ABCG1: variants seen among roughly 807,000 people sequenced by gnomAD.
ABCG1 encodes ATP-binding cassette sub-family G member 1.
Under a neutral mutation model 69.2 loss-of-function variants are expected in ABCG1, and 29 were observed. The observed-to-expected ratio is 0.42, with a 90% CI of 0.31 to 0.57. ABCG1 has a LOEUF of 0.57. Ranked by LOEUF, ABCG1 falls within the 20% of genes least tolerant of loss-of-function variation. The pLI, the probability that ABCG1 is intolerant of heterozygous loss-of-function variation, is 0.15. For synonymous variants in ABCG1, 370 were observed against 374.8 expected (o/e 0.99, Z 0.15); for missense variants, 718 against 898.1 (o/e 0.80, Z 2.56).
At chr21:42,247,953 C>T (rs531641817) in intron 2 of ABCG1, among the ~76,000 whole-genome samples, 70 of 152,238 alleles carry the variant, frequency 4.6e-4, no homozygotes, top group Admixed American at 3.2e-3. Flanking sequence ...AGTGTGGCAT[C>T]GCGGACATCT....
In ABCG1 at chr21:42,284,620, G is replaced by A; in HGVS notation, c.795G>A (p.Gly265=). The change falls in exon 7 of 15, where the codon GGG becomes GGA. Residue 265 remains glycine (G), a synonymous_variant. Coordinates refer to ENST00000398449, the MANE Select transcript of ABCG1 (RefSeq NM_016818.3). ...VVSLMKGLAQ[G]GRSIICTIHQ... is the part of the protein sequence containing the mutation. ...CGCTGATGAAAGGGCTCGCTCAAGG[G>A]GGTCGCTCCATCATTTGCACCATCC... is the stretch of plus-strand genomic sequence containing the variant. The A allele has an allele frequency of 1.2e-6, 2 of 1,614,020 alleles. No individual in the cohort carries two copies. The highest frequency in any genetic ancestry group is 3.3e-5 in the Admixed American group (2 of 60,034).
intron 2 of ABCG1, among the ~76,000 whole-genome samples, chr21:42,230,716 TG>T (rs1219456308): frequency 6.6e-6 from 1 of 152,256 alleles, no homozygotes; most frequent in Non-Finnish European, 1.5e-5. Context: ...ACAAATGGAA[TG>T]CTTGGGTACT....
At chr21:42,235,007 C>T (rs981113432) in intron 2 of ABCG1, among the ~76,000 whole-genome samples, 1 of 152,120 alleles carries the variant, frequency 6.6e-6, no homozygotes, top group African/African-American at 2.4e-5. Context: ...GCTGCAGCCC[C>T]GAGCGGGGTC....
chr21:42,276,932 G>C lies in ABCG1; in HGVS notation c.575G>C (p.Gly192Ala). The change falls in exon 5 of 15, where the codon GGC becomes GCC. Residue 192 changes from glycine (G) to alanine (A), a missense_variant. Physicochemically the swap from Gly to Ala is moderately conservative, Grantham distance 60. Around this residue, in one of 2 missense-constraint regions of ABCG1, gnomAD observed 514 missense variants for 574.3 expected, o/e 0.90. Coordinates refer to ENST00000398449, the MANE Select transcript of ABCG1 (RefSeq NM_016818.3). The surrounding 1 kb of genome is among the most constrained non-coding windows in gnomAD (Gnocchi z 5.3). ...CTGAAGCTTCAGGAGAAGGATGAAG[G>C]CAGAAGGGAAATGGTAAGTGGGTTG... Reference protein sequence around the residue: ...AHLKLQEKDEGRREMVKEILT... With the variant: ...AHLKLQEKDEARREMVKEILT... 1 of 1,614,216 alleles carries C rather than the reference G, an allele frequency of 6.2e-7. No individual in the cohort carries two copies. Among genetic ancestry groups the C allele is most frequent in the Non-Finnish European group, 8.5e-7 (1 of 1,180,028 alleles).
chr21:42,264,189 A>G (rs9975218), intron 2 of ABCG1, among the ~76,000 whole-genome samples: 2,285 of 152,160 alleles, frequency 0.015, 30 homozygotes, highest in Middle Eastern at 0.034. Flanking sequence ...TTCCAGCGTT[A>G]TCTCCTTATA....
At position 42,219,877 on chromosome 21, in the gene ABCG1, G is replaced by T; in HGVS notation, c.42+573G>T. The T allele has an allele frequency of 6.5e-7, 1 of 1,539,938 alleles. No individual in the cohort carries two copies. Among genetic ancestry groups the T allele is most frequent in the South Asian group, 1.2e-5 (1 of 83,534 alleles). On this transcript the variant is annotated intron_variant, in intron 1 of 14. Coordinates refer to ENST00000398449, the MANE Select transcript of ABCG1 (RefSeq NM_016818.3). This position sits in a 1 kb window ranked among gnomAD's most constrained non-coding sequence, Gnocchi z 5.3. ...TCCCGGACCCACTCGGGGAGGCGGC[G>T]GCGAAGGCCCGGGGAGACCCGCGAG...
upstream of ABCG1, among the ~76,000 whole-genome samples, chr21:42,218,758 CT>C (rs1601341116): frequency 6.6e-6 from 1 of 152,140 alleles, no homozygotes; most frequent in Non-Finnish European, 1.5e-5. Context: ...AAGAAGCCCC[CT>C]GGCCCTCACT....
At chr21:42,261,388 G>A (rs953148340) in intron 2 of ABCG1, among the ~76,000 whole-genome samples, 1 of 152,182 alleles carries the variant, frequency 6.6e-6, no homozygotes, top group Non-Finnish European at 1.5e-5. Flanking sequence ...GCGGCCGGTG[G>A]GAACAGTACT....
intron 7 of ABCG1, among the ~76,000 whole-genome samples, 158 bp from the exon 8 acceptor site, chr21:42,285,722 C>G (rs1458692270): frequency 6.6e-6 from 1 of 152,040 alleles, no homozygotes; most frequent in African/African-American, 2.4e-5. Context: ...GTTAATAGGG[C>G]CCTTGGGGGT....
At chr21:42,283,389 C>A (rs1053405815) in intron 6 of ABCG1, among the ~76,000 whole-genome samples, 1 of 152,174 alleles carries the variant, frequency 6.6e-6, no homozygotes, top group Non-Finnish European at 1.5e-5. Flanking sequence ...CACTGTCCCC[C>A]GGGCCTGTCA....
chr21:42,276,727 C>A lies in ABCG1; in HGVS notation c.538-168C>A. On this transcript the variant is annotated intron_variant, in intron 4 of 14. Coordinates refer to ENST00000398449, the MANE Select transcript of ABCG1 (RefSeq NM_016818.3). This position sits in a 1 kb window ranked among gnomAD's most constrained non-coding sequence, Gnocchi z 5.3. The stretch of plus-strand genomic sequence containing the variant: ...GGCACCGTGGCTAGCTGCACCGTGG[C>A]TAGCGGCATTGTGGCTAGCTGCACT... The A allele has an allele frequency of 1.5e-6, 1 of 669,558 alleles. No homozygotes were observed. The highest frequency in any genetic ancestry group is 2.6e-6 in the Non-Finnish European group (1 of 381,790). The allele number at this position is 669,558 out of a possible 1,614,324, so 41.5% of individuals were successfully genotyped here. A position where few individuals can be genotyped will look rare whatever the true frequency, so the allele number is the denominator to read the frequency against.
intron 5 of ABCG1, among the ~76,000 whole-genome samples, chr21:42,280,076 C>G (rs1569234122): frequency 6.6e-6 from 1 of 152,240 alleles, no homozygotes; most frequent in African/African-American, 2.4e-5. Context: ...TGCAGAGAGC[C>G]CTCCCCACAG....
Position 42,273,520 on chromosome 21 carries a change from A to C in ABCG1, c.537+85A>C. On this transcript the variant is annotated intron_variant, in intron 4 of 14. Transcript: ENST00000398449. This position sits in a 1 kb window ranked among gnomAD's most constrained non-coding sequence, Gnocchi z 5.3. ...TAGACACAGCACTGGCCGAGTGCCC[A>C]GCTGCGAGGGACCCAAGGGCTCTGC... The C allele has an allele frequency of 6.7e-7, 1 of 1,481,596 alleles. No homozygotes were observed. The highest frequency in any genetic ancestry group is 9.1e-7 in the Non-Finnish European group (1 of 1,101,410). The allele number at this position is 1,481,596 out of a possible 1,614,324, so 91.8% of individuals were successfully genotyped here.
intron 2 of ABCG1, among the ~76,000 whole-genome samples, chr21:42,209,883 T>C (rs2067572818): frequency 6.6e-6 from 1 of 151,848 alleles, no homozygotes; most frequent in South Asian, 2.1e-4. Flanking sequence ...GAAGAACGAG[T>C]TTGTTTAAAG....
chr21:42,255,941 A>G (rs1317108834), intron 2 of ABCG1: 2 of 239,306 alleles, frequency 8.4e-6, no homozygotes, highest in Non-Finnish European at 1.6e-5. Flanking sequence ...TTATTGGACA[A>G]ATGTCCACTT....
chr21:42,270,768 G>C (rs142942902), intron 2 of ABCG1, among the ~76,000 whole-genome samples: 259 of 152,292 alleles, frequency 1.7e-3, no homozygotes, highest in African/African-American at 6.1e-3. Flanking sequence ...TCCTCACTCT[G>C]AGACGGGAAT....
At chr21:42,204,408 C>A (rs557344877) in intron 2 of ABCG1, among the ~76,000 whole-genome samples, 4 of 152,292 alleles carry the variant, frequency 2.6e-5, no homozygotes, top group South Asian at 4.1e-4. Context: ...TCAAGTGGAA[C>A]TTCTCTATTC....
At chr21:42,201,618 C>T in exon 2 of ABCG1, 1 of 1,569,462 alleles carries the variant, frequency 6.4e-7, no homozygotes. Context: ...ACCTAAGATT[C>T]AGCCCCGTGC....
chr21:42,249,705 G>A (rs1328371069), intron 2 of ABCG1, among the ~76,000 whole-genome samples: 3 of 152,120 alleles, frequency 2.0e-5, no homozygotes, highest in East Asian at 1.9e-4. Context: ...GTATGGAGCT[G>A]TAAAGAAGTG....
Sources: gnomAD v4.1 joint callset for allele counts (sites outside exome capture counted in the v4.1 genomes callset) on GRCh38, gnomAD v4.1.1 for gene constraint, gnomAD v4.1.1 regional missense constraint, Gnocchi (gnomAD v3.1) non-coding constraint, MANE v1.5 for transcripts, NCBI Gene and HGNC (gene_info 2026-07-23, HGNC 2026-07-21) for gene names.